Variants in WNT7A observed in about 807,000 individuals in gnomAD.
The protein encoded by WNT7A is Wnt family member 7A, also known as protein Wnt-7a.
Under a neutral mutation model 28.2 loss-of-function variants are expected in WNT7A, and 16 were observed. The ratio of observed to expected loss-of-function variants is 0.57; its 90% CI spans 0.38 to 0.86. The LOEUF (loss-of-function observed/expected upper bound fraction) is 0.86. Among genes scored for constraint, WNT7A ranks in the 40% least tolerant of loss-of-function variants. WNT7A has a pLI of 0.00. For synonymous variants in WNT7A, 190 were observed against 195.9 expected (o/e 0.97, Z 0.25); for missense variants, 411 against 489.7 (o/e 0.84, Z 1.52).
chr3:13,856,635 T>A (rs1694734092), intron 2 of WNT7A, among the ~76,000 whole-genome samples: 1 of 152,074 alleles, frequency 6.6e-6, no homozygotes, highest in South Asian at 2.1e-4. Context: ...CTGGCCAACA[T>A]GGTGAAACTC....
At chr3:13,832,760 G>C (rs996706040) in intron 3 of WNT7A, among the ~76,000 whole-genome samples, 2 of 152,122 alleles carry the variant, frequency 1.3e-5, no homozygotes, top group African/African-American at 4.8e-5. Flanking sequence ...ACATGGAGGG[G>C]ATGGCAGGGA....
intron 3 of WNT7A, among the ~76,000 whole-genome samples, chr3:13,848,760 T>C (rs1694579012): frequency 6.6e-6 from 1 of 152,122 alleles, no homozygotes; most frequent in Non-Finnish European, 1.5e-5. Flanking sequence ...AATAGAACCT[T>C]ACATTCACAC....
At chr3:13,866,737 G>A (rs1033491554) in intron 2 of WNT7A, among the ~76,000 whole-genome samples, 1 of 152,130 alleles carries the variant, frequency 6.6e-6, no homozygotes, top group African/African-American at 2.4e-5. Context: ...ATGGGTGTGC[G>A]TTTTATTCTC....
At chr3:13,867,553 G>T (rs1694930419) in intron 2 of WNT7A, among the ~76,000 whole-genome samples, 1 of 152,158 alleles carries the variant, frequency 6.6e-6, no homozygotes, top group African/African-American at 2.4e-5. Flanking sequence ...TGAAGTGACG[G>T]ATGAGAAAGG....
Position 13,854,701 on chromosome 3 carries a change from T to C in WNT7A, c.401A>G (p.Asp134Gly). The C allele has an allele frequency of 6.2e-7, 1 of 1,614,138 alleles. No homozygotes were observed. ...GTGGTACTGGCCTTGCTTCTCTTTG[T>C]CGCAGCCACAGTCGCTCAGGTTGCC... ...TQGNLSDCGC[D>G]KEKQGQYHRD... The change falls in exon 3 of 4, where the codon GAC becomes GGC. Residue 134 changes from aspartate to glycine, a missense_variant. Asp to Gly is a moderately conservative substitution (Grantham distance 94). Transcript: ENST00000285018.
rs777739773 is a variant in WNT7A at position 13,854,751 on chromosome 3, G to A, written c.351C>T (p.His117=). 29 of 1,613,912 alleles carry A rather than the reference G, an allele frequency of 1.8e-5. No individual in the cohort carries two copies. Among genetic ancestry groups the A allele is most frequent in the South Asian group, 7.7e-5 (7 of 91,084 alleles). The change falls in exon 3 of 4, where the codon CAC becomes CAT. Residue 117 remains histidine, a synonymous_variant. Transcript: ENST00000285018. ...TYAIIAAGVA[H]AITAACTQGN... is the part of the protein sequence containing the mutation. ...CCTGGGTACAGGCAGCTGTGATGGC[G>A]TGGGCCACGCCGGCGGCAATGATGG... is the stretch of plus-strand genomic sequence containing the variant.
At chr3:13,822,862 C>T (rs927427164) in intron 3 of WNT7A, among the ~76,000 whole-genome samples, 14 of 152,152 alleles carry the variant, frequency 9.2e-5, no homozygotes, top group African/African-American at 3.4e-4. Context: ...TAAGCAATGG[C>T]CCTAGTGCAG....
At chr3:13,829,742 G>T (rs1252104962) in intron 3 of WNT7A, among the ~76,000 whole-genome samples, 1 of 152,192 alleles carries the variant, frequency 6.6e-6, no homozygotes, top group Admixed American at 6.5e-5. Context: ...AGAGAAGCAG[G>T]TTGGCTGAAG....
At position 13,819,001 on chromosome 3, in the gene WNT7A, G is replaced by A; in HGVS notation, c.993C>T (p.Cys331=). The change falls in exon 4 of 4, where the codon TGC becomes TGT. Residue 331 remains cysteine (C), a synonymous_variant. Coordinates refer to ENST00000285018, the MANE Select transcript of WNT7A (RefSeq NM_004625.4). ...VWQCNCKFHW[C]CYVKCNTCSE... is the part of the protein sequence containing the mutation. The stretch of plus-strand genomic sequence containing the variant: ...TGCACGTGTTGCACTTGACATAGCA[G>A]CACCAGTGGAACTTACAGTTGCACT... 6.2e-7 allele frequency: 1 copy of A among 1,609,918 alleles called. No individual in the cohort carries two copies.
In WNT7A at chr3:13,854,634, G is replaced by T; in HGVS notation, c.468C>A (p.Ile156=). 6.2e-7 allele frequency: 1 copy of T among 1,614,174 alleles called. No homozygotes were observed. The highest frequency in any genetic ancestry group is 2.2e-5 in the East Asian group (1 of 44,862). Residue 156 remains isoleucine (I), a synonymous_variant, in exon 3 of 4, where the codon ATC becomes ATA. Coordinates refer to ENST00000285018, the MANE Select transcript of WNT7A (RefSeq NM_004625.4). ...GWKWGGCSAD[I]RYGIGFAKVF... is the part of the protein sequence containing the mutation. The stretch of plus-strand genomic sequence containing the variant: ...CCTTGGCGAAGCCGATGCCGTAGCG[G>T]ATGTCGGCAGAGCAGCCACCCCACT...
rs1241405844 is a variant in WNT7A at position 13,879,347 on chromosome 3, G to A, written c.71+399C>T. Among the ~76,000 whole-genome samples the A allele has an allele frequency of 3.3e-5, 5 of 152,324 alleles. No homozygotes were observed. The East Asian group carries it at 5.8e-4, about 18-fold the overall frequency. ...GAGAGAGTTCGTCTCGGGCTCCGGG[G>A]ACTGAGCTCCCCGAGATTGGCTGTG... is the stretch of plus-strand genomic sequence containing the variant. On this transcript the variant is annotated intron_variant, in intron 1 of 3. Transcript: ENST00000285018.
At chr3:13,866,851 G>A (rs140038059) in intron 2 of WNT7A, among the ~76,000 whole-genome samples, 262 of 152,314 alleles carry the variant, frequency 1.7e-3, no homozygotes, top group Admixed American at 5.4e-3. Context: ...CAGGATGAAA[G>A]GGAGGAGGTG....
At chr3:13,861,168 A>G (rs529787569) in intron 2 of WNT7A, among the ~76,000 whole-genome samples, 10 of 152,336 alleles carry the variant, frequency 6.6e-5, no homozygotes, top group African/African-American at 2.4e-4. Context: ...ATTCTTGCCC[A>G]GATCATCCAT....
At chr3:13,873,493 A>G (rs916438979) in intron 2 of WNT7A, among the ~76,000 whole-genome samples, 1 of 152,134 alleles carries the variant, frequency 6.6e-6, no homozygotes, top group Admixed American at 6.5e-5. Context: ...GATCCTGTCT[A>G]CAGTTCTGTA....
chr3:13,837,329 C>T (rs1221986424), intron 3 of WNT7A, among the ~76,000 whole-genome samples: 2 of 152,008 alleles, frequency 1.3e-5, no homozygotes, highest in African/African-American at 4.8e-5. Flanking sequence ...TGGATGGCCC[C>T]CTCTCCACAG....
chr3:13,826,601 G>A (rs778806127), intron 3 of WNT7A, among the ~76,000 whole-genome samples: 3 of 152,258 alleles, frequency 2.0e-5, no homozygotes, highest in African/African-American at 7.2e-5. Context: ...GGGAGTAAAA[G>A]GGTCTTTTGG....
At chr3:13,836,794 C>T (rs890667922) in intron 3 of WNT7A, among the ~76,000 whole-genome samples, 15 of 152,334 alleles carry the variant, frequency 9.8e-5, no homozygotes, top group Admixed American at 2.6e-4. Context: ...AAGAGGAGTT[C>T]GCCACTGGAA....
At chr3:13,879,106 T>G (rs928577316) in intron 1 of WNT7A, among the ~76,000 whole-genome samples, 1 of 152,220 alleles carries the variant, frequency 6.6e-6, no homozygotes, top group Non-Finnish European at 1.5e-5. Context: ...TGTGTGTTTG[T>G]TGGGGGTGGG....
At chr3:13,827,901 C>A (rs1307216586) in intron 3 of WNT7A, among the ~76,000 whole-genome samples, 1 of 152,174 alleles carries the variant, frequency 6.6e-6, no homozygotes. Flanking sequence ...AATGTGCCCC[C>A]ATTCATCTCC....
Sources: gnomAD v4.1 joint callset for allele counts (sites outside exome capture counted in the v4.1 genomes callset) on GRCh38, gnomAD v4.1.1 for gene constraint, MANE v1.5 for transcripts, NCBI Gene and HGNC (gene_info 2026-07-23, HGNC 2026-07-21) for gene names.